The following MUC22 variants were observed in gnomAD, a reference collection of about 807,000 sequenced individuals.
MUC22 encodes mucin 22.
A neutral mutation model predicts 40.3 loss-of-function variants in MUC22; 24 were observed. The observed-to-expected ratio is 0.60, with a 90% confidence interval of 0.43 to 0.84. The LOEUF is 0.84. MUC22 is among the 40% of genes least tolerant of loss of function. MUC22 has a pLI of 0.00. For synonymous variants in MUC22, 765 were observed against 844.5 expected (o/e 0.91, Z 1.63); for missense variants, 1,926 against 2,130.7 (o/e 0.90, Z 1.89).
chr6:31,012,928 C>T (rs980780000), intron 1 of MUC22, among the ~76,000 whole-genome samples: 4 of 151,988 alleles, frequency 2.6e-5, no homozygotes, highest in South Asian at 2.1e-4. Flanking sequence ...TCCAAGGAGA[C>T]GATTAAAAAC....
At chr6:31,027,074 C>T in exon 2 of MUC22, 1 of 1,490,786 alleles carries the variant, frequency 6.7e-7, no homozygotes. Flanking sequence ...CCTACCATGG[C>T]ATCCACCATG....
intron 1 of MUC22, among the ~76,000 whole-genome samples, chr6:31,021,177 T>TGGGCTCCTGAGTCTGGTGAGGACGTGGA (rs1764703623): frequency 2.6e-5 from 4 of 152,376 alleles, no homozygotes; most frequent in African/African-American, 9.6e-5. Context: ...TGAAGCCAGC[T>TGGGCTCCTGAGTCTGGTGAGGACGTGGA]GGGCTCCTGA....
intron 2 of MUC22, among the ~76,000 whole-genome samples, chr6:31,031,467 C>T (rs568053944): frequency 3.3e-5 from 5 of 152,226 alleles, no homozygotes; most frequent in African/African-American, 7.2e-5. Flanking sequence ...CAGGGCCTGC[C>T]GCTTTGTATA....
chr6:31,030,331 C>G (rs1765961473), intron 2 of MUC22, among the ~76,000 whole-genome samples: 1 of 152,070 alleles, frequency 6.6e-6, no homozygotes, highest in African/African-American at 2.4e-5. Flanking sequence ...TCCTGGCTAA[C>G]ACGGTGAAAT....
At chr6:31,030,996 T>A (rs567186266) in intron 2 of MUC22, among the ~76,000 whole-genome samples, 3 of 152,308 alleles carry the variant, frequency 2.0e-5, no homozygotes, top group African/African-American at 4.8e-5. Context: ...ACAGAAAAAA[T>A]TTGGCAACCT....
exon 1 of MUC22, chr6:31,010,487 A>G (rs1193110132): frequency 1.8e-6 from 1 of 551,024 alleles, no homozygotes; most frequent in African/African-American, 1.9e-5. Context: ...AAAGAAGAAA[A>G]ATAAGAAGCC....
chr6:31,020,714 G>A (rs1159405851), intron 1 of MUC22, among the ~76,000 whole-genome samples: 1 of 152,198 alleles, frequency 6.6e-6, no homozygotes, highest in Non-Finnish European at 1.5e-5. Context: ...TTGCAGGGAG[G>A]TGTGGAGGGA....
rs763892336 is a variant in MUC22 at position 31,016,943 on chromosome 6, C to T, written c.70+6167C>T. 3.5e-4 allele frequency among the ~76,000 whole-genome samples: 54 copies of T among 152,226 alleles called. 1 individual carries two copies. The highest frequency in any genetic ancestry group is 6.2e-4 in the Non-Finnish European group (42 of 68,034). ...CCCAGGCAGTGAGGAACTTAGCACC[C>T]GGGCCAGCAGCTGCGGAGGGTGCGC... On this transcript the variant is annotated intron_variant, in intron 1 of 3. Coordinates refer to ENST00000561890, the Ensembl canonical transcript of MUC22.
intron 1 of MUC22, among the ~76,000 whole-genome samples, chr6:31,013,876 G>GTT (rs201291023): frequency 2.6e-5 from 4 of 151,638 alleles, no homozygotes; most frequent in East Asian, 1.9e-4. Flanking sequence ...AGGTTTTTTG[G>GTT]GTTTTTTTTC....
At chr6:31,006,734 T>C (rs1024605254), upstream of MUC22, among the ~76,000 whole-genome samples, 10 of 152,344 alleles carry the variant, frequency 6.6e-5, no homozygotes, top group Middle Eastern at 6.8e-3. Context: ...TAATATGATA[T>C]ATGGAGAGAG....
chr6:31,016,930 G>A lies in MUC22; in HGVS notation c.70+6154G>A, dbSNP rs918983841. Among the ~76,000 whole-genome samples, 12 of 152,354 alleles carry A rather than the reference G, an allele frequency of 7.9e-5. No individual in the cohort carries two copies. In the East Asian group the frequency reaches 2.3e-3, roughly 29 times the overall value. On this transcript the variant is annotated intron_variant, in intron 1 of 3. Coordinates refer to ENST00000561890, the Ensembl canonical transcript of MUC22. ...CAGCACAGCTGGCCCCAGGCAGTGA[G>A]GAACTTAGCACCCGGGCCAGCAGCT...
At chr6:31,022,938 T>G (rs1764986967) in intron 1 of MUC22, among the ~76,000 whole-genome samples, 1 of 151,814 alleles carries the variant, frequency 6.6e-6, no homozygotes, top group Admixed American at 6.6e-5. Context: ...GAGACCAGCC[T>G]GGGCAACGTG....
rs1035571243 is a variant in MUC22 at position 31,032,304 on chromosome 6, T to A, written c.4778T>A (p.Leu1593Ter). Residue 1593 changes from leucine to a stop codon, truncating the protein, a stop_gained, in exon 3 of 4, where the codon TTA (leucine) becomes TAA (stop). Transcript: ENST00000561890. LOFTEE classifies it high-confidence loss of function. This position sits in a 1 kb window ranked among gnomAD's most constrained non-coding sequence, Gnocchi z 4.1. ...AGCCATACTGTGCCAGGAATAGTCT[T>A]AAACACCTCTGGCCTGGGTACATCC... is the stretch of plus-strand genomic sequence containing the variant. 6.5e-7 allele frequency: 1 copy of A among 1,535,640 alleles called. No homozygotes were observed. Among genetic ancestry groups the A allele is most frequent in the Non-Finnish European group, 8.7e-7 (1 of 1,146,884 alleles).
chr6:31,022,491 A>G (rs1764924654), intron 1 of MUC22, among the ~76,000 whole-genome samples: 1 of 152,156 alleles, frequency 6.6e-6, no homozygotes, highest in Non-Finnish European at 1.5e-5. Context: ...TTCTTCAGGA[A>G]GAAAAAATTT....
At position 31,029,963 on chromosome 6, in the gene MUC22, C is replaced by T; in HGVS notation, c.4532C>T (p.Thr1511Ile). 6.5e-7 allele frequency: 1 copy of T among 1,535,562 alleles called. No individual in the cohort carries two copies. The highest frequency in any genetic ancestry group is 8.7e-7 in the Non-Finnish European group (1 of 1,146,846). ...TTGGAGCCCACTGCAACTTCCCTCA[C>T]AGGCTCTGAGACCACCACAGTCTCT... The change falls in exon 2 of 4, where the codon ACA (threonine) becomes ATA (isoleucine). Residue 1511 changes from threonine (T) to isoleucine (I), a missense_variant. Thr to Ile is a moderately conservative substitution (Grantham distance 89). Coordinates refer to ENST00000561890, the Ensembl canonical transcript of MUC22.
At chr6:31,016,116 A>T in intron 1 of MUC22, among the ~76,000 whole-genome samples, 1 of 144,028 alleles carries the variant, frequency 6.9e-6, no homozygotes, top group East Asian at 2.1e-4. Flanking sequence ...AACCATTTTT[A>T]AGATGGCATC....
chr6:31,021,060 T>C (rs572817602), intron 1 of MUC22, among the ~76,000 whole-genome samples: 18 of 152,168 alleles, frequency 1.2e-4, no homozygotes, highest in African/African-American at 4.3e-4. Flanking sequence ...CGCCCCCTGC[T>C]CCAGGGCGCC....
chr6:31,019,004 A>G (rs1247324048), intron 1 of MUC22, among the ~76,000 whole-genome samples: 3 of 152,180 alleles, frequency 2.0e-5, no homozygotes, highest in African/African-American at 7.2e-5. Context: ...CTTTAAATAC[A>G]ATGTATATTT....
chr6:31,022,633 T>A (rs182461443), intron 1 of MUC22, among the ~76,000 whole-genome samples: 26 of 152,126 alleles, frequency 1.7e-4, no homozygotes, highest in African/African-American at 5.8e-4. Flanking sequence ...TATGTAGACA[T>A]AAAATGTATG....
Sources: allele counts gnomAD v4.1 joint callset (sites outside exome capture counted in the v4.1 genomes callset), GRCh38; gene constraint gnomAD v4.1.1; non-coding constraint Gnocchi (gnomAD v3.1); transcripts MANE v1.5; gene names NCBI Gene and HGNC (gene_info 2026-07-23, HGNC 2026-07-21).